ASTN1: variants seen among roughly 807,000 people sequenced by gnomAD.
ASTN1 encodes astrotactin-1.
ASTN1 carries 41 observed loss-of-function variants against 140.7 expected under a neutral mutation model. The ratio of observed to expected loss-of-function variants is 0.29; its 90% CI spans 0.23 to 0.38. ASTN1 has a LOEUF of 0.38. Among genes scored for constraint, ASTN1 ranks in the 10% least tolerant of loss-of-function variants. ASTN1 has a pLI of 1.00. For synonymous variants in ASTN1, 640 were observed against 652.2 expected, an observed-to-expected ratio of 0.98 and a Z score of 0.29; for missense variants, 1,479 against 1,678.8, an observed-to-expected ratio of 0.88 and a Z score of 2.08.
At chr1:176,894,252 G>C (rs1436815692) in intron 17 of ASTN1, among the ~76,000 whole-genome samples, 1 of 152,090 alleles carries the variant, frequency 6.6e-6, no homozygotes, top group Non-Finnish European at 1.5e-5. Context: ...AAGGCACGAG[G>C]GTTCTCTGAA....
intron 16 of ASTN1, among the ~76,000 whole-genome samples, chr1:176,913,096 C>T (rs970274471): frequency 6.6e-6 from 1 of 152,190 alleles, no homozygotes; most frequent in African/African-American, 2.4e-5. Context: ...GCCCATTTCT[C>T]TCTTTCCTTC....
At chr1:177,093,692 A>G (rs1436624773) in intron 1 of ASTN1, among the ~76,000 whole-genome samples, 1 of 152,190 alleles carries the variant, frequency 6.6e-6, no homozygotes, top group Non-Finnish European at 1.5e-5. Flanking sequence ...GCTTCTGAAC[A>G]GGGCCTGGGT....
chr1:176,976,716 T>A (rs570516865), intron 8 of ASTN1: 1 of 152,378 alleles, frequency 6.6e-6, no homozygotes, highest in South Asian at 2.1e-4. Context: ...TGGTTCTGCA[T>A]CTCAAGGCTC....
intron 2 of ASTN1, among the ~76,000 whole-genome samples, chr1:177,042,937 A>G (rs1417074228): frequency 6.6e-6 from 1 of 152,238 alleles, no homozygotes; most frequent in African/African-American, 2.4e-5. Flanking sequence ...TACTGTCTAC[A>G]CTGCCTGTCC....
chr1:176,866,628 C>T (rs913775521), intron 22 of ASTN1, among the ~76,000 whole-genome samples: 4 of 151,920 alleles, frequency 2.6e-5, no homozygotes, highest in East Asian at 1.9e-4. Context: ...ACACAGCCTT[C>T]GTTGCTGCTT....
chr1:177,092,730 C>A (rs1350237652), intron 1 of ASTN1, among the ~76,000 whole-genome samples: 1 of 152,114 alleles, frequency 6.6e-6, no homozygotes, highest in South Asian at 2.1e-4. Flanking sequence ...AGGCAGTTTG[C>A]AGTTGTCCCA....
intron 17 of ASTN1, among the ~76,000 whole-genome samples, chr1:176,891,322 C>A (rs1669255972): frequency 6.6e-6 from 1 of 152,218 alleles, no homozygotes; most frequent in Non-Finnish European, 1.5e-5. Context: ...CTAAATTCAT[C>A]TATCCATTCA....
At chr1:177,074,176 T>G (rs913079431) in intron 1 of ASTN1, among the ~76,000 whole-genome samples, 1 of 152,190 alleles carries the variant, frequency 6.6e-6, no homozygotes, top group Non-Finnish European at 1.5e-5. Flanking sequence ...AGTCTTTACC[T>G]GTGAGGGCAT....
intron 2 of ASTN1, among the ~76,000 whole-genome samples, chr1:177,043,789 A>G (rs187200905): frequency 3.5e-4 from 53 of 152,326 alleles, no homozygotes; most frequent in Admixed American, 2.1e-3. Context: ...TCATATGCCA[A>G]TATCCCTTCC....
chr1:177,023,634 C>T (rs963645024), intron 6 of ASTN1, 63 bp from the exon 7 acceptor site: 35 of 1,453,660 alleles, frequency 2.4e-5, no homozygotes, highest in African/African-American at 5.8e-5. Flanking sequence ...CACAAGCCAC[C>T]GAAGACAAGG....
chr1:177,108,075 C>T (rs964154823), intron 1 of ASTN1, among the ~76,000 whole-genome samples: 8 of 152,050 alleles, frequency 5.3e-5, no homozygotes, highest in South Asian at 4.1e-4. Flanking sequence ...ATCAGCCAGG[C>T]GTGGTGATTC....
At chr1:177,073,310 T>G (rs1678734487) in intron 1 of ASTN1, among the ~76,000 whole-genome samples, 1 of 152,134 alleles carries the variant, frequency 6.6e-6, no homozygotes, top group Admixed American at 6.5e-5. Context: ...TTGTTTTGTT[T>G]ACTATATCTG....
intron 9 of ASTN1, among the ~76,000 whole-genome samples, chr1:176,960,972 T>A (rs1332498950): frequency 6.6e-6 from 1 of 152,112 alleles, no homozygotes; most frequent in Non-Finnish European, 1.5e-5. Flanking sequence ...CCTGAAATGA[T>A]GAGTTGTGCC....
chr1:177,125,415 G>T (rs1416803770), intron 1 of ASTN1, among the ~76,000 whole-genome samples: 4 of 152,164 alleles, frequency 2.6e-5, no homozygotes, highest in African/African-American at 9.7e-5. Flanking sequence ...TTGTAGAGGA[G>T]AATTAAATGC....
Position 177,080,842 on chromosome 1 carries a change from C to T in ASTN1, c.284-19577G>A, listed in dbSNP as rs376593929. Among the ~76,000 whole-genome samples, 175 of 152,228 alleles carry T rather than the reference C, an allele frequency of 1.1e-3. 1 individual carries two copies. Among genetic ancestry groups the T allele is most frequent in the African/African-American group, 4.1e-3 (170 of 41,520 alleles). On this transcript the variant is annotated intron_variant, in intron 1 of 22. Transcript: ENST00000361833. ...TGATCCCAGGCAAGTTACATAACCT[C>T]GAAGCCTCTGGGTCTTCATTTGTTA... is the stretch of plus-strand genomic sequence containing the variant.
rs1454391360 is a variant in ASTN1 at position 176,894,738 on chromosome 1, T to A, written c.2764A>T (p.Thr922Ser). 5 of 1,614,040 alleles carry A rather than the reference T, an allele frequency of 3.1e-6. No individual in the cohort carries two copies. Among genetic ancestry groups the A allele is most frequent in the Non-Finnish European group, 4.2e-6 (5 of 1,180,024 alleles). The change falls in exon 17 of 23, where the codon ACC becomes TCC. Residue 922 changes from threonine to serine, a missense_variant. Thr to Ser is a moderately conservative substitution (Grantham distance 58). Coordinates refer to ENST00000361833, the MANE Select transcript of ASTN1 (RefSeq NM_004319.3). Reference sequence around the variant, plus strand: ...CGGACTCCAGCCGCCATGTGCTTGGTGCCGGAGTCTGACAAGCTGGTGATG... The same window carrying A: ...CGGACTCCAGCCGCCATGTGCTTGGAGCCGGAGTCTGACAAGCTGGTGATG... The part of the protein sequence containing the change: ...EYITSLSDSG[T>S]KHMAAGVRME...
rs1158998785 is a variant in ASTN1, at chr1:176,949,216, G to T, written c.2023C>A (p.Pro675Thr). The T allele has an allele frequency of 2.5e-6, 4 of 1,613,926 alleles. No individual in the cohort carries two copies. Among genetic ancestry groups the T allele is most frequent in the Non-Finnish European group, 3.4e-6 (4 of 1,180,026 alleles). Residue 675 changes from proline to threonine, a missense_variant, in exon 12 of 23, where the codon CCC (proline) becomes ACC (threonine). Physicochemically the swap from Pro to Thr is conservative, Grantham distance 38. Coordinates refer to ENST00000361833, the MANE Select transcript of ASTN1 (RefSeq NM_004319.3). The part of the protein sequence containing the change: ...LQQMAPFPDD[P>T]TLYNILMFCG... ...AACATGAGGATGTTATACAAGGTGG[G>T]GTCGTCCGGGAAGGGCGCCATCTGC...
chr1:176,957,731 T>A lies in ASTN1; in HGVS notation c.1834A>T (p.Ser612Cys). 1.9e-6 allele frequency: 3 copies of A among 1,614,116 alleles called. No homozygotes were observed. The highest frequency in any genetic ancestry group is 2.5e-6 in the Non-Finnish European group (3 of 1,179,982). Residue 612 changes from serine (S) to cysteine (C), a missense_variant, in exon 11 of 23, where the codon AGT becomes TGT. Around this residue, in one of 3 missense-constraint regions of ASTN1, gnomAD observed 729 missense variants for 860.4 expected, o/e 0.85. Transcript: ENST00000361833. ...TCTGAAATACAGCGGAAATTCTTAC[T>A]GCAGCCCCCGTTATCTTTGCTGCAG... ...RDCSKDNGGCSKNFRCISDRK... is the reference protein window; with the variant it reads ...RDCSKDNGGCCKNFRCISDRK...
Position 176,907,278 on chromosome 1 carries a change from T to C in ASTN1, c.2672-12448A>G, listed in dbSNP as rs555192077. Reference sequence around the variant, plus strand: ...GACAAAGGTAATTTATTAAATATGGTCAGAACGCTTTTTATAAATCTTATA... The same window carrying C: ...GACAAAGGTAATTTATTAAATATGGCCAGAACGCTTTTTATAAATCTTATA... On this transcript the variant is annotated intron_variant, in intron 16 of 22. Transcript: ENST00000361833. Among the ~76,000 whole-genome samples the C allele has an allele frequency of 9.1e-4, 139 of 152,286 alleles. 2 individuals are homozygous for C. Among genetic ancestry groups the C allele is most frequent in the African/African-American group, 3.1e-3 (128 of 41,556 alleles).
Sources: gnomAD v4.1 joint callset for allele counts (sites outside exome capture counted in the v4.1 genomes callset) on GRCh38, gnomAD v4.1.1 for gene constraint, gnomAD v4.1.1 regional missense constraint, MANE v1.5 for transcripts, NCBI Gene and HGNC (gene_info 2026-07-23, HGNC 2026-07-21) for gene names.